Variants in STK32B observed in about 807,000 individuals in gnomAD.
STK32B encodes serine/threonine-protein kinase 32B.
In STK32B, 43 loss-of-function variants were observed where a neutral mutation model predicts 52.6. The ratio of observed to expected loss-of-function variants is 0.82; its 90% CI spans 0.64 to 1.05. STK32B has a LOEUF of 1.05. Ranked by LOEUF, STK32B falls within the 50% of genes least tolerant of loss-of-function variation. The probability of loss-of-function intolerance (pLI) is 0.00; values close to 1 mark genes in which losing one functional copy is unlikely to be tolerated. For synonymous variants in STK32B, 238 were observed against 204.3 expected, an observed-to-expected ratio of 1.17 and a Z score of -1.41; for missense variants, 621 against 534.6, an observed-to-expected ratio of 1.16 and a Z score of -1.59.
Position 5,362,311 on chromosome 4 carries a change from T to C in STK32B, c.434+30918T>C, listed in dbSNP as rs1701386787. Among the ~76,000 whole-genome samples, 3 of 152,200 alleles carry C rather than the reference T, an allele frequency of 2.0e-5. No homozygotes were observed. In the South Asian group the frequency reaches 6.2e-4, roughly 31 times the overall value. On this transcript the variant is annotated intron_variant, in intron 4 of 11. Transcript: ENST00000282908. ...TCAGCCTTTATGCACTCATGATCTA[T>C]TTGTAAATTGTCAAGTGCCCCAATT...
At chr4:5,138,004 C>T (rs569265552) in intron 1 of STK32B, among the ~76,000 whole-genome samples, 4 of 152,318 alleles carry the variant, frequency 2.6e-5, no homozygotes, top group African/African-American at 9.6e-5. Context: ...AGTTTCTCGA[C>T]AGGACATGTG....
chr4:5,074,689 G>A (rs1711976062), intron 1 of STK32B, among the ~76,000 whole-genome samples: 1 of 151,922 alleles, frequency 6.6e-6, no homozygotes, highest in Admixed American at 6.6e-5. Flanking sequence ...TGAATATTAC[G>A]CTATTTTATT....
intron 3 of STK32B, among the ~76,000 whole-genome samples, chr4:5,286,880 C>G (rs1480438644): frequency 6.7e-6 from 1 of 148,692 alleles, no homozygotes; most frequent in Non-Finnish European, 1.5e-5. Context: ...TCACTGCAAC[C>G]TCTGCCTTCC....
chr4:5,304,287 A>G (rs962732943), intron 3 of STK32B, among the ~76,000 whole-genome samples: 1 of 152,128 alleles, frequency 6.6e-6, no homozygotes, highest in African/African-American at 2.4e-5. Flanking sequence ...CGTTTTCACA[A>G]TGTTGATTAT....
At chr4:5,231,918 A>AGAAAGAGAG in intron 3 of STK32B, among the ~76,000 whole-genome samples, 1 of 152,348 alleles carries the variant, frequency 6.6e-6, no homozygotes, top group East Asian at 1.9e-4. Flanking sequence ...GAGCCAATCG[A>AGAAAGAGAG]GAAAGAGAGG....
chr4:5,422,696 G>C (rs531126011), intron 6 of STK32B, among the ~76,000 whole-genome samples: 1 of 152,120 alleles, frequency 6.6e-6, no homozygotes, highest in Non-Finnish European at 1.5e-5. Flanking sequence ...GCTGCAGAGC[G>C]GGGTACTGCT....
At chr4:5,112,260 A>T (rs1465483220) in intron 1 of STK32B, among the ~76,000 whole-genome samples, 1 of 152,200 alleles carries the variant, frequency 6.6e-6, no homozygotes, top group African/African-American at 2.4e-5. Context: ...AGCATTCTCC[A>T]GAGAAACAGA....
chr4:5,235,083 G>C (rs1724533321), intron 3 of STK32B, among the ~76,000 whole-genome samples: 1 of 152,242 alleles, frequency 6.6e-6, no homozygotes. Context: ...TTGCCATTGA[G>C]TGGGAAATGT....
intron 3 of STK32B, among the ~76,000 whole-genome samples, chr4:5,226,209 G>A (rs1203445288): frequency 2.0e-5 from 3 of 152,128 alleles, no homozygotes; most frequent in African/African-American, 4.8e-5. Flanking sequence ...TTGCTGACTA[G>A]GGCTACAAAA....
At chr4:5,312,483 T>C (rs1187523515) in intron 3 of STK32B, among the ~76,000 whole-genome samples, 1 of 146,636 alleles carries the variant, frequency 6.8e-6, no homozygotes, top group East Asian at 2.1e-4. Flanking sequence ...TTCCCCTTCC[T>C]GCGTCCATGT....
In STK32B at chr4:5,395,032, C is replaced by A. The variant is rs1736798071; in HGVS notation, c.435-3175C>A. 6.6e-6 allele frequency among the ~76,000 whole-genome samples: 1 copy of A among 152,160 alleles called. No homozygotes were observed. Among genetic ancestry groups the A allele is most frequent in the South Asian group, 2.1e-4 (1 of 4,828 alleles). On this transcript the variant is annotated intron_variant, in intron 4 of 11. Transcript: ENST00000282908. The surrounding 1 kb of genome is among the most constrained non-coding windows in gnomAD (Gnocchi z 4.4). Reference sequence around the variant, plus strand: ...ACATGGGGTGGGGTTCTCTCCCAGGCTCTTGTGGTTGTTGGCAGATTTCAG... The same window carrying A: ...ACATGGGGTGGGGTTCTCTCCCAGGATCTTGTGGTTGTTGGCAGATTTCAG...
rs1736296455 is a variant in STK32B, at chr4:5,386,983, A to G, written c.435-11224A>G. ...GCATCTCACAGGCCCAGCCACTTGG[A>G]GCCCGCTGGGAAGGCTGGATCCAGG... On this transcript the variant is annotated intron_variant, in intron 4 of 11. Transcript: ENST00000282908. The surrounding 1 kb of genome is among the most constrained non-coding windows in gnomAD (Gnocchi z 4.5). Among the ~76,000 whole-genome samples the G allele has an allele frequency of 6.6e-6, 1 of 152,208 alleles. No homozygotes were observed. The highest frequency in any genetic ancestry group is 2.4e-5 in the African/African-American group (1 of 41,452).
rs1734498644 is a variant in STK32B at position 5,360,844 on chromosome 4, T to C, written c.434+29451T>C. Among the ~76,000 whole-genome samples, 4 of 152,282 alleles carry C rather than the reference T, an allele frequency of 2.6e-5. No homozygotes were observed. In the Middle Eastern group the frequency reaches 0.014, roughly 518 times the overall value. On this transcript the variant is annotated intron_variant, in intron 4 of 11. Coordinates refer to ENST00000282908, the MANE Select transcript of STK32B (RefSeq NM_018401.3). Reference sequence around the variant, plus strand: ...ACAACAACAACAAAAACAAAAGCTGTGGTAAAATACACATAACAGATAATT... The same window carrying C: ...ACAACAACAACAAAAACAAAAGCTGCGGTAAAATACACATAACAGATAATT...
chr4:5,170,776 G>A (rs1719306612), intron 3 of STK32B, among the ~76,000 whole-genome samples: 1 of 152,190 alleles, frequency 6.6e-6, no homozygotes, highest in Admixed American at 6.5e-5. Context: ...ACATACGTGT[G>A]CATGTGTCTT....
chr4:5,052,495 A>G (rs965212223), intron 1 of STK32B, among the ~76,000 whole-genome samples: 1 of 152,116 alleles, frequency 6.6e-6, no homozygotes, highest in Non-Finnish European at 1.5e-5. Context: ...GAAGTGGTGT[A>G]GGCTGTCCAA....
At chr4:5,497,087 C>G (rs533621498) in intron 11 of STK32B, among the ~76,000 whole-genome samples, 1 of 152,232 alleles carries the variant, frequency 6.6e-6, no homozygotes, top group South Asian at 2.1e-4. Flanking sequence ...AATGAGCTAT[C>G]ATATCTTATT....
At chr4:5,146,173 G>A (rs1162869547) in intron 2 of STK32B, among the ~76,000 whole-genome samples, 1 of 151,914 alleles carries the variant, frequency 6.6e-6, no homozygotes, top group Admixed American at 6.6e-5. Context: ...TATATGAAGG[G>A]GAGTTTATTA....
intron 2 of STK32B, among the ~76,000 whole-genome samples, chr4:5,165,388 C>A (rs1348623412): frequency 6.6e-6 from 1 of 152,130 alleles, no homozygotes; most frequent in Non-Finnish European, 1.5e-5. Flanking sequence ...CTTCCAATTC[C>A]TAAAATGTCT....
chr4:5,186,300 C>T (rs148994823), intron 3 of STK32B, among the ~76,000 whole-genome samples: 1 of 152,274 alleles, frequency 6.6e-6, no homozygotes, highest in Non-Finnish European at 1.5e-5. Context: ...TGTGTTTCCT[C>T]CGTGAGCAGT....
Sources: gnomAD v4.1 joint callset for allele counts (sites outside exome capture counted in the v4.1 genomes callset) on GRCh38, gnomAD v4.1.1 for gene constraint, Gnocchi (gnomAD v3.1) non-coding constraint, MANE v1.5 for transcripts, NCBI Gene and HGNC (gene_info 2026-07-23, HGNC 2026-07-21) for gene names.